CTNND2: variants seen among roughly 807,000 people sequenced by gnomAD.
CTNND2 encodes the protein catenin delta-2.
A neutral mutation model predicts 144.4 loss-of-function variants in CTNND2; 22 were observed. That is an observed-to-expected ratio of 0.15 (90% CI 0.11 to 0.22). CTNND2 has a LOEUF of 0.22. Ranked by LOEUF, CTNND2 falls within the 10% of genes least tolerant of loss-of-function variation. CTNND2 has a pLI of 1.00. For synonymous variants in CTNND2, 751 were observed against 695.6 expected (o/e 1.08, Z -1.25); for missense variants, 1,353 against 1,618.8 (o/e 0.84, Z 2.82).
At chr5:10,975,056 C>G (rs1487782611) in intron 21 of CTNND2, among the ~76,000 whole-genome samples, 1 of 152,152 alleles carries the variant, frequency 6.6e-6, no homozygotes, top group African/African-American at 2.4e-5. Flanking sequence ...AGAGGATAAA[C>G]CTTTGTTAGC....
intron 1 of CTNND2, among the ~76,000 whole-genome samples, chr5:11,787,448 A>G (rs1181212887): frequency 6.6e-6 from 1 of 152,226 alleles, no homozygotes; most frequent in Non-Finnish European, 1.5e-5. Flanking sequence ...ACGCCAACAT[A>G]TCTAGCCACC....
chr5:11,275,110 C>T (rs753028260), intron 9 of CTNND2, among the ~76,000 whole-genome samples: 1 of 152,172 alleles, frequency 6.6e-6, no homozygotes, highest in East Asian at 1.9e-4. Context: ...CCTCAATAGG[C>T]CTTGCAAAGT....
intron 9 of CTNND2, 27 bp downstream of exon 9, chr5:11,346,345 T>C (rs780283298): frequency 1.4e-6 from 2 of 1,414,086 alleles, no homozygotes; most frequent in Non-Finnish European, 9.3e-7. Flanking sequence ...TTAGACATCA[T>C]AGGGAAAGAA....
At chr5:11,369,546 C>T (rs1473316512) in intron 7 of CTNND2, among the ~76,000 whole-genome samples, 1 of 152,170 alleles carries the variant, frequency 6.6e-6, no homozygotes, top group African/African-American at 2.4e-5. Context: ...GATTTTACAT[C>T]TATCATTTGT....
intron 15 of CTNND2, among the ~76,000 whole-genome samples, chr5:11,095,204 A>G (rs1751212921): frequency 1.3e-5 from 2 of 152,190 alleles, no homozygotes; most frequent in Admixed American, 1.3e-4. Flanking sequence ...CCCCTGAGAT[A>G]CGGAACCTGC....
intron 16 of CTNND2, among the ~76,000 whole-genome samples, chr5:11,060,063 G>C (rs1052494812): frequency 6.6e-6 from 1 of 152,086 alleles, no homozygotes; most frequent in African/African-American, 2.4e-5. Flanking sequence ...GGGAGCATTT[G>C]CCTCCCTGCA....
rs1207977054 is a variant in CTNND2 at position 11,346,503 on chromosome 5, G to A, written c.1497C>T (p.Tyr499=). 9.3e-6 allele frequency: 15 copies of A among 1,606,642 alleles called. No homozygotes were observed. Among genetic ancestry groups the A allele is most frequent in the African/African-American group, 1.3e-5 (1 of 74,690 alleles). The change falls in exon 9 of 22, where the codon TAC becomes TAT. Residue 499 remains tyrosine (Y), a synonymous_variant. Coordinates refer to ENST00000304623, the MANE Select transcript of CTNND2 (RefSeq NM_001332.4). Reference sequence around the variant, plus strand: ...ACTGCAGCTGTCGGTAGGGGTCCGCGTAATTGGAGGCTGGGCCGGCGGCAT... The same window carrying A: ...ACTGCAGCTGTCGGTAGGGGTCCGCATAATTGGAGGCTGGGCCGGCGGCAT... ...ASYAAGPASN[Y]ADPYRQLQYC... is the part of the protein sequence containing the mutation.
At chr5:11,210,604 CA>C (rs1482295028) in intron 10 of CTNND2, among the ~76,000 whole-genome samples, 9 of 152,218 alleles carry the variant, frequency 5.9e-5, no homozygotes, top group Non-Finnish European at 1.3e-4. Flanking sequence ...TTGTATGTGG[CA>C]AAGCTAAAGT....
At chr5:11,852,311 A>T (rs1233569039) in intron 1 of CTNND2, among the ~76,000 whole-genome samples, 1 of 152,180 alleles carries the variant, frequency 6.6e-6, no homozygotes, top group Non-Finnish European at 1.5e-5. Context: ...AATTTAGAAA[A>T]AAAAATCCAC....
intron 1 of CTNND2, among the ~76,000 whole-genome samples, chr5:11,873,855 C>T (rs1405726578): frequency 2.0e-5 from 3 of 152,180 alleles, no homozygotes; most frequent in Admixed American, 1.3e-4. Context: ...TCAACACATC[C>T]ATTCCATCCC....
intron 1 of CTNND2, among the ~76,000 whole-genome samples, chr5:11,867,430 T>C (rs2127040788): frequency 6.6e-6 from 1 of 152,356 alleles, no homozygotes; most frequent in Admixed American, 6.5e-5. Context: ...ATCAGAACTT[T>C]AACGAGCTGT....
intron 3 of CTNND2, among the ~76,000 whole-genome samples, chr5:11,502,742 A>C (rs183226727): frequency 6.6e-6 from 1 of 152,224 alleles, no homozygotes; most frequent in Admixed American, 6.5e-5. Flanking sequence ...TTCCACCCTC[A>C]CCAACTCCTG....
At chr5:11,367,286 T>C (rs985416378) in intron 7 of CTNND2, among the ~76,000 whole-genome samples, 7 of 152,144 alleles carry the variant, frequency 4.6e-5, no homozygotes, top group African/African-American at 1.4e-4. Flanking sequence ...CACAGAGAAC[T>C]ATGGGAAAGA....
chr5:11,199,132 T>G (rs1308198880), intron 11 of CTNND2, among the ~76,000 whole-genome samples: 1 of 152,228 alleles, frequency 6.6e-6, no homozygotes, highest in African/African-American at 2.4e-5. Context: ...CTTTGATCAA[T>G]TATTATTAAT....
chr5:11,608,885 T>G (rs943445771), intron 2 of CTNND2, among the ~76,000 whole-genome samples: 3 of 152,206 alleles, frequency 2.0e-5, no homozygotes, highest in Admixed American at 6.5e-5. Flanking sequence ...TATCTGAGGC[T>G]TCTGGATTTG....
In CTNND2 at chr5:11,274,787, T is replaced by A. The variant is rs143805712; in HGVS notation, c.1629-37964A>T. On this transcript the variant is annotated intron_variant, in intron 9 of 21. Transcript: ENST00000304623. Reference sequence around the variant, plus strand: ...TAATCTAAGCAAAGGTTTATTGTTGTTATTGTTGTTGTTGGAACAAAGAAC... The same window carrying A: ...TAATCTAAGCAAAGGTTTATTGTTGATATTGTTGTTGTTGGAACAAAGAAC... 3.3e-4 allele frequency among the ~76,000 whole-genome samples: 51 copies of A among 152,316 alleles called. No individual in the cohort carries two copies. The East Asian group carries it at 9.4e-3, about 28-fold the overall frequency.
chr5:11,676,659 C>A (rs983034147), intron 2 of CTNND2, among the ~76,000 whole-genome samples: 1 of 151,236 alleles, frequency 6.6e-6, no homozygotes, highest in Non-Finnish European at 1.5e-5. Flanking sequence ...GAAAAAAATC[C>A]TGTAATCCCA....
At chr5:11,626,989 C>T (rs1194915769) in intron 2 of CTNND2, among the ~76,000 whole-genome samples, 2 of 152,054 alleles carry the variant, frequency 1.3e-5, no homozygotes, top group Admixed American at 6.6e-5. Context: ...TTTTCGCCTG[C>T]CAGGTAGAGG....
chr5:11,673,497 A>C (rs1003777459), intron 2 of CTNND2, among the ~76,000 whole-genome samples: 1 of 152,210 alleles, frequency 6.6e-6, no homozygotes, highest in Non-Finnish European at 1.5e-5. Context: ...GTAAATGATT[A>C]TGCATAAGTT....
Sources: gnomAD v4.1 joint callset for allele counts (sites outside exome capture counted in the v4.1 genomes callset) on GRCh38, gnomAD v4.1.1 for gene constraint, MANE v1.5 for transcripts, NCBI Gene and HGNC (gene_info 2026-07-23, HGNC 2026-07-21) for gene names.